PPP2R1B: variants seen among roughly 807,000 people sequenced by gnomAD.
PPP2R1B encodes the protein protein phosphatase 2 scaffold subunit Abeta.
A neutral mutation model predicts 72.7 loss-of-function variants in PPP2R1B; 58 were observed. That is an observed-to-expected ratio of 0.80 (90% CI 0.65 to 0.99). PPP2R1B has a LOEUF of 0.99. Among genes scored for constraint, PPP2R1B ranks in the 50% least tolerant of loss-of-function variants. The pLI is 0.00. For synonymous variants in PPP2R1B, 256 were observed against 264.6 expected (o/e 0.97, Z 0.32); for missense variants, 695 against 733.6 (o/e 0.95, Z 0.61).
In PPP2R1B at chr11:111,755,109, G is replaced by T. The variant is rs782139878; in HGVS notation, c.844-15C>A. On this transcript the variant is annotated splice_polypyrimidine_tract_variant and intron_variant, in intron 6 of 14. Coordinates refer to ENST00000527614, the MANE Select transcript of PPP2R1B (RefSeq NM_002716.5). ...GCTTTCTGGAGCTATAAAAGAATTT[G>T]AACGGGTTTTAATGTATACTAACAA... 3 of 1,592,826 alleles carry T rather than the reference G, an allele frequency of 1.9e-6. No individual in the cohort carries two copies. The highest frequency in any genetic ancestry group is 2.2e-5 in the South Asian group (2 of 90,094).
the PPP2R1B span, among the ~76,000 whole-genome samples, chr11:111,716,194 C>A: frequency 6.6e-6 from 1 of 152,172 alleles, no homozygotes; most frequent in Non-Finnish European, 1.5e-5. Flanking sequence ...TGAGGGTAGA[C>A]CCTGAAAATG....
intron 12 of PPP2R1B, 134 bp downstream of exon 12, chr11:111,743,242 C>G (rs1203856661): frequency 8.5e-6 from 8 of 944,296 alleles, no homozygotes; most frequent in Non-Finnish European, 1.2e-5. Flanking sequence ...TTTCTCTCAT[C>G]TCCTGTCTAT....
chr11:111,722,939 G>A (rs915527541), downstream of PPP2R1B, among the ~76,000 whole-genome samples: 2 of 152,206 alleles, frequency 1.3e-5, no homozygotes, highest in African/African-American at 4.8e-5. This position sits in a 1 kb window ranked among gnomAD's most constrained non-coding sequence, Gnocchi z 4.4. Context: ...GGATGGTCCT[G>A]TCAGGCACTG....
downstream of PPP2R1B, among the ~76,000 whole-genome samples, chr11:111,735,116 C>A (rs1040896368): frequency 2.0e-5 from 3 of 152,116 alleles, no homozygotes; most frequent in African/African-American, 7.2e-5. Flanking sequence ...GCATGGAAGG[C>A]AGAAGATGGT....
the PPP2R1B span, among the ~76,000 whole-genome samples, chr11:111,690,922 A>G: frequency 0.96 from 146,900 of 152,288 alleles, 71,088 homozygotes; most frequent in East Asian, 1. Context: ...AGAAACATAC[A>G]TGCACATGTG....
the PPP2R1B span, among the ~76,000 whole-genome samples, chr11:111,703,994 T>C: frequency 6.6e-6 from 1 of 152,214 alleles, no homozygotes; most frequent in Admixed American, 6.5e-5. Flanking sequence ...GATATACGTA[T>C]TTCTAATACC....
chr11:111,750,852 T>G (rs1265755089), intron 10 of PPP2R1B, among the ~76,000 whole-genome samples: 4 of 151,804 alleles, frequency 2.6e-5, no homozygotes, highest in Admixed American at 1.3e-4. Context: ...TGTTTTTTTT[T>G]TTTTGACACA....
At chr11:111,742,744 A>T in intron 12 of PPP2R1B, 79 bp from the exon 13 acceptor site, 1 of 1,321,830 alleles carries the variant, frequency 7.6e-7, no homozygotes, top group South Asian at 1.7e-5. Context: ...AATATTTAAT[A>T]AGAAAATAAT....
intron 5 of PPP2R1B, among the ~76,000 whole-genome samples, chr11:111,757,850 A>AT (rs1417634590): frequency 6.6e-6 from 1 of 151,886 alleles, no homozygotes; most frequent in African/African-American, 2.4e-5. Context: ...AAAAAAAAAA[A>AT]AAAATTACTT....
At chr11:111,721,137 C>A in the PPP2R1B span, 1 of 1,498,590 alleles carries the variant, frequency 6.7e-7, no homozygotes, top group Non-Finnish European at 8.9e-7. Flanking sequence ...TGGTCATTTT[C>A]ACTTAGAGGA....
the PPP2R1B span, among the ~76,000 whole-genome samples, chr11:111,691,147 G>A: frequency 6.6e-6 from 1 of 152,006 alleles, no homozygotes; most frequent in African/African-American, 2.4e-5. Flanking sequence ...AATATACGTG[G>A]GTCAAATCAG....
rs1555044067 is a variant in PPP2R1B at position 111,738,925 on chromosome 11, T to TGTCTGC, written c.*2670_*2671insGCAGAC. ...GTGTGTGTGTGTGTGTGTGTGTGTG[T>TGTCTGC]CTGCTTCATTTTTCTAATCAAACAA... On this transcript the variant is annotated 3_prime_UTR_variant, in exon 15 of 15. Coordinates refer to ENST00000527614, the MANE Select transcript of PPP2R1B (RefSeq NM_002716.5). The TGTCTGC allele has an allele frequency of 5.9e-5, 58 of 982,920 alleles. No homozygotes were observed. In the African/African-American group the frequency reaches 1.0e-3, roughly 17 times the overall value. The allele number at this position is 982,920 out of a possible 1,614,324, so 60.9% of individuals were successfully genotyped here. A position where few individuals can be genotyped will look rare whatever the true frequency, so the allele number is the denominator to read the frequency against.
At position 111,740,533 on chromosome 11, in the gene PPP2R1B, T is replaced by C. The variant is rs913998232; in HGVS notation, c.*1063A>G. On this transcript the variant is annotated 3_prime_UTR_variant, in exon 15 of 15. Transcript: ENST00000527614. ...TCAAATAGGCTTCCTCACTATTAATTTGCTTCAGTAAACTCTTCAGCTTAA... is the reference window on the plus strand; with the variant it reads ...TCAAATAGGCTTCCTCACTATTAATCTGCTTCAGTAAACTCTTCAGCTTAA... 2 of 985,158 alleles carry C rather than the reference T, an allele frequency of 2.0e-6. No homozygotes were observed. Among genetic ancestry groups the C allele is most frequent in the Admixed American group, 6.1e-5 (1 of 16,262 alleles). The allele number at this position is 985,158 out of a possible 1,614,324, so 61.0% of individuals were successfully genotyped here.
chr11:111,742,112 T>C lies in PPP2R1B; in HGVS notation c.1730A>G (p.Gln577Arg). 1 of 1,613,864 alleles carries C rather than the reference T, an allele frequency of 6.2e-7. No homozygotes were observed. The highest frequency in any genetic ancestry group is 2.2e-5 in the East Asian group (1 of 44,866). Residue 577 changes from glutamine to arginine, a missense_variant, in exon 14 of 15, where the codon CAG becomes CGG. Transcript: ENST00000527614. ...ALQGEVKPVL[Q>R]KLGQDEDMDV... ...CATGTCTTCATCTTGACCTAACTTCTGTAGTACTGGCTTCACTTCTCCCTG... is the reference window on the plus strand; with the variant it reads ...CATGTCTTCATCTTGACCTAACTTCCGTAGTACTGGCTTCACTTCTCCCTG...
the PPP2R1B span, among the ~76,000 whole-genome samples, chr11:111,693,881 G>A: frequency 2.6e-5 from 4 of 152,218 alleles, no homozygotes; most frequent in South Asian, 2.1e-4. Flanking sequence ...AGTATGGGCT[G>A]TGTAGTCAGG....
chr11:111,717,971 T>G, the PPP2R1B span, among the ~76,000 whole-genome samples: 1 of 152,082 alleles, frequency 6.6e-6, no homozygotes, highest in Non-Finnish European at 1.5e-5. Flanking sequence ...ATGCAGGGCT[T>G]AATACCTAGG....
chr11:111,731,114 A>G lies in PPP2R1B; in HGVS notation c.1912-4057T>C, dbSNP rs144478206. On this transcript the variant is annotated intron_variant, in intron 15 of 15. Coordinates refer to the PPP2R1B transcript ENST00000311129. ...TGCTAACCGCAGCCTGCACAAGGAC[A>G]GGGCCCTGCTGGGCACTGCTTAATT... Among the ~76,000 whole-genome samples, 1,004 of 152,384 alleles carry G rather than the reference A, an allele frequency of 6.6e-3. 8 individuals carry two copies. Among genetic ancestry groups the G allele is most frequent in the Middle Eastern group, 0.054 (16 of 294 alleles).
At chr11:111,765,905 G>A (rs782609276) in intron 1 of PPP2R1B, 2 of 505,760 alleles carry the variant, frequency 4.0e-6, no homozygotes, top group Non-Finnish European at 7.7e-6. Flanking sequence ...TCTCGGCCTG[G>A]CACCGCGCTT....
the PPP2R1B span, among the ~76,000 whole-genome samples, chr11:111,720,269 C>T: frequency 6.6e-5 from 10 of 152,262 alleles, no homozygotes; most frequent in East Asian, 1.9e-3. Flanking sequence ...TTTGGACTGG[C>T]TGAGATCTTA....
Sources: allele counts gnomAD v4.1 joint callset (sites outside exome capture counted in the v4.1 genomes callset), GRCh38; gene constraint gnomAD v4.1.1; non-coding constraint Gnocchi (gnomAD v3.1); transcripts MANE v1.5; gene names NCBI Gene and HGNC (gene_info 2026-07-23, HGNC 2026-07-21).